WAPL: variants seen among roughly 807,000 people sequenced by gnomAD.
WAPL encodes the protein wings apart-like protein homolog.
In WAPL, 5 loss-of-function variants were observed where a neutral mutation model predicts 121.0. The observed-to-expected ratio is 0.04, with a 90% CI of 0.02 to 0.09. The LOEUF is 0.09. Ranked by LOEUF, WAPL falls within the 10% of genes least tolerant of loss-of-function variation. WAPL has a pLI of 1.00. For missense variants in WAPL, 999 were observed against 1,410.8 expected (o/e 0.71, Z 4.68); for synonymous variants, 480 against 481.5 (o/e 1.00, Z 0.04).
At chr10:86,483,298 T>G (rs1841836723) in intron 4 of WAPL, among the ~76,000 whole-genome samples, 1 of 151,980 alleles carries the variant, frequency 6.6e-6, no homozygotes, top group Non-Finnish European at 1.5e-5. Flanking sequence ...TGCATGCCTG[T>G]AATCCCAGGT....
intron 14 of WAPL, 146 bp from the exon 15 acceptor site, chr10:86,452,277 CAAAAAGAAAAAAAGAAAAAAA>C (rs1841000884): frequency 1.8e-6 from 1 of 552,492 alleles, no homozygotes; most frequent in South Asian, 4.3e-5. Context: ...TATGAAAGGC[CAAAAAGAAAAAAAGAAAAAAA>C]AAAAAGAAAA....
chr10:86,456,210 G>C (rs568693191), intron 12 of WAPL, among the ~76,000 whole-genome samples: 1 of 152,146 alleles, frequency 6.6e-6, no homozygotes, highest in Non-Finnish European at 1.5e-5. Flanking sequence ...GAGAGGTTTT[G>C]TTCAAGCATT....
chr10:86,517,631 T>C lies in WAPL; in HGVS notation c.439A>G (p.Thr147Ala). ...GCATCATCTTCTACAATTCGGTTTG[T>C]GCTCTTTTCTTTCCCAAGTAAAGTG... is the stretch of plus-strand genomic sequence containing the variant. Reference protein sequence around the residue: ...EDTLLGKEKSTNRIVEDDASI... With the variant: ...EDTLLGKEKSANRIVEDDASI... The change falls in exon 2 of 19, where the codon ACA (threonine) becomes GCA (alanine). Residue 147 changes from threonine (T) to alanine (A), a missense_variant. Coordinates refer to ENST00000298767, the MANE Select transcript of WAPL (RefSeq NM_015045.5). 1 of 1,614,076 alleles carries C rather than the reference T, an allele frequency of 6.2e-7. No individual in the cohort carries two copies. Among genetic ancestry groups the C allele is most frequent in the Non-Finnish European group, 8.5e-7 (1 of 1,180,004 alleles).
At chr10:86,483,003 A>T (rs1225001702) in intron 4 of WAPL, among the ~76,000 whole-genome samples, 1 of 152,340 alleles carries the variant, frequency 6.6e-6, no homozygotes, top group Middle Eastern at 3.4e-3. Flanking sequence ...CGGTGGTCTC[A>T]TAAGATTTTA....
chr10:86,513,269 T>C (rs1842499130), intron 2 of WAPL, among the ~76,000 whole-genome samples: 1 of 151,598 alleles, frequency 6.6e-6, no homozygotes, highest in Admixed American at 6.6e-5. Flanking sequence ...AAGTGCTGGA[T>C]TACAGCCACT....
At chr10:86,521,180 AAAAG>A (rs1304429768) in intron 1 of WAPL, among the ~76,000 whole-genome samples, 181 bp downstream of exon 1, 2 of 152,376 alleles carry the variant, frequency 1.3e-5, no homozygotes, top group East Asian at 3.9e-4. Context: ...AGTCGCCCGA[AAAAG>A]AACTCCGAAA....
intron 2 of WAPL, among the ~76,000 whole-genome samples, chr10:86,502,466 A>G (rs1444787304): frequency 6.6e-6 from 1 of 152,220 alleles, no homozygotes; most frequent in African/African-American, 2.4e-5. Flanking sequence ...ATATTTATGA[A>G]TCAAATACAA....
chr10:86,514,552 T>C (rs1842520741), intron 2 of WAPL, among the ~76,000 whole-genome samples: 1 of 152,194 alleles, frequency 6.6e-6, no homozygotes, highest in Admixed American at 6.5e-5. Context: ...TTTTAGTATG[T>C]ATTTTCCCCT....
At chr10:86,448,154 CA>C (rs774427024) in intron 15 of WAPL, among the ~76,000 whole-genome samples, 11 of 152,078 alleles carry the variant, frequency 7.2e-5, no homozygotes, top group Non-Finnish European at 1.3e-4. Context: ...AGAAAACCAT[CA>C]AAAAGTGTAT....
chr10:86,504,103 G>A (rs570672975), intron 2 of WAPL, among the ~76,000 whole-genome samples: 1 of 152,232 alleles, frequency 6.6e-6, no homozygotes, highest in Admixed American at 6.5e-5. Context: ...GAACCCAGGA[G>A]GCAGAGGTTG....
rs560397891 is a variant in WAPL, at chr10:86,500,394, A to G, written c.849T>C (p.Ile283=). The change falls in exon 3 of 19, where the codon ATT becomes ATC. Residue 283 remains isoleucine (I), a synonymous_variant. Coordinates refer to ENST00000298767, the MANE Select transcript of WAPL (RefSeq NM_015045.5). The part of the protein sequence containing the change: ...ENLNEAIEED[I]VQSVLRPTNC... ...TGGTTGGCCTAAGAACACTTTGTAC[A>G]ATATCTTCCTCAATGGCTTCATTCA... The G allele has an allele frequency of 5.0e-6, 8 of 1,614,216 alleles. No individual in the cohort carries two copies. The East Asian group carries it at 1.6e-4, about 31-fold the overall frequency.
intron 2 of WAPL, 30 bp downstream of exon 2, chr10:86,517,541 T>A (rs1390976040): frequency 6.4e-7 from 1 of 1,570,490 alleles, no homozygotes; most frequent in East Asian, 2.2e-5. Context: ...AAAGCTCTCT[T>A]GGCGGAGAAT....
intron 8 of WAPL, among the ~76,000 whole-genome samples, chr10:86,468,634 C>G (rs1043024514): frequency 1.3e-5 from 2 of 152,008 alleles, no homozygotes; most frequent in Non-Finnish European, 2.9e-5. Context: ...GTATATAAAC[C>G]CAGGATGCTG....
intron 4 of WAPL, among the ~76,000 whole-genome samples, chr10:86,483,794 C>CTTTTTTT (rs35725128): frequency 2.9e-5 from 2 of 69,212 alleles, no homozygotes; most frequent in Non-Finnish European, 5.0e-5. Flanking sequence ...ATTTTTTTTT[C>CTTTTTTT]TTTTTTTTTT....
At chr10:86,476,687 TAAAAAA>T (rs34743479) in intron 4 of WAPL, among the ~76,000 whole-genome samples, 5 of 140,182 alleles carry the variant, frequency 3.6e-5, no homozygotes, top group African/African-American at 1.3e-4. Flanking sequence ...AGACTGTCTT[TAAAAAA>T]AAAAAAAAAA....
chr10:86,521,472 G>C lies in WAPL; in HGVS notation c.-130C>G, dbSNP rs571171766. On this transcript the variant is annotated 5_prime_UTR_variant, in exon 1 of 19. Transcript: ENST00000298767. Reference sequence around the variant, plus strand: ...TCGCGCGGGAGAGCAGGGCCGGCAGGTGAGAGCCGAGAGAGGCGAGGGACT... The same window carrying C: ...TCGCGCGGGAGAGCAGGGCCGGCAGCTGAGAGCCGAGAGAGGCGAGGGACT... 1 of 329,482 alleles carries C rather than the reference G, an allele frequency of 3.0e-6. No homozygotes were observed. Among genetic ancestry groups the C allele is most frequent in the African/African-American group, 2.3e-5 (1 of 42,668 alleles). 20.4% of individuals were successfully genotyped at this position (329,482 alleles called of 1,614,324 possible). A position where few individuals can be genotyped will look rare whatever the true frequency, so the allele number is the denominator to read the frequency against.
chr10:86,495,620 C>T (rs115408653), intron 4 of WAPL, among the ~76,000 whole-genome samples: 3,118 of 152,138 alleles, frequency 0.02, 121 homozygotes, highest in African/African-American at 0.071. Flanking sequence ...GATCTGGCAA[C>T]AATTTATTGG....
intron 9 of WAPL, among the ~76,000 whole-genome samples, chr10:86,461,735 C>G (rs1290754194): frequency 1.3e-5 from 2 of 152,180 alleles, no homozygotes; most frequent in African/African-American, 4.8e-5. Flanking sequence ...TCTGAGGGTA[C>G]AAAATGGTAA....
intron 12 of WAPL, among the ~76,000 whole-genome samples, chr10:86,456,938 T>C (rs1841160934): frequency 6.6e-6 from 1 of 152,236 alleles, no homozygotes; most frequent in South Asian, 2.1e-4. Flanking sequence ...TTCTGACCTC[T>C]ACTGCCACTT....
Sources: gnomAD v4.1 joint callset for allele counts (sites outside exome capture counted in the v4.1 genomes callset) on GRCh38, gnomAD v4.1.1 for gene constraint, MANE v1.5 for transcripts, NCBI Gene and HGNC (gene_info 2026-07-23, HGNC 2026-07-21) for gene names.